The following AGBL4 variants were observed in gnomAD, a reference collection of about 807,000 sequenced individuals.
AGBL4 encodes the protein cytosolic carboxypeptidase 6.
In AGBL4, 58 loss-of-function variants were observed where a neutral mutation model predicts 66.4. That is an observed-to-expected ratio of 0.87 (90% confidence interval 0.71 to 1.09). AGBL4 has a LOEUF of 1.09. AGBL4 is among the 50% of genes least tolerant of loss of function. The pLI is 0.00. For synonymous variants in AGBL4, 234 were observed against 222.9 expected (o/e 1.05, Z -0.44); for missense variants, 579 against 631.0 (o/e 0.92, Z 0.88).
rs1651623028 is a variant in AGBL4, at chr1:48,750,887, C to G, written c.635-87646G>C. Reference sequence around the variant, plus strand: ...CTTATAGGACTAAGGTCCTAGGACTCTAAGAATTACCCCCCACACTCAGAG... The same window carrying G: ...CTTATAGGACTAAGGTCCTAGGACTGTAAGAATTACCCCCCACACTCAGAG... On this transcript the variant is annotated intron_variant, in intron 6 of 13. Transcript: ENST00000371839. 1.3e-5 allele frequency among the ~76,000 whole-genome samples: 2 copies of G among 152,196 alleles called. 1 individual carries two copies.
intron 2 of AGBL4, among the ~76,000 whole-genome samples, chr1:49,776,141 A>C (rs1215709737): frequency 1.3e-5 from 2 of 152,084 alleles, no homozygotes; most frequent in Non-Finnish European, 2.9e-5. Context: ...AATCTGGTGG[A>C]AGCTTAGAAA....
chr1:49,425,857 G>A (rs1645646129), intron 3 of AGBL4, among the ~76,000 whole-genome samples: 1 of 152,224 alleles, frequency 6.6e-6, no homozygotes, highest in Non-Finnish European at 1.5e-5. Flanking sequence ...TTGTCACATG[G>A]AACTGGGCTT....
intron 3 of AGBL4, among the ~76,000 whole-genome samples, chr1:49,462,340 A>T (rs973523852): frequency 1.3e-5 from 2 of 151,782 alleles, no homozygotes; most frequent in Non-Finnish European, 2.9e-5. Flanking sequence ...CCATCTTAAT[A>T]TAACTTAGGG....
intron 3 of AGBL4, among the ~76,000 whole-genome samples, chr1:49,548,790 T>C (rs1205200768): frequency 3.9e-5 from 6 of 152,196 alleles, no homozygotes; most frequent in Non-Finnish European, 8.8e-5. Context: ...GCTGGCTTCA[T>C]AGAATGAATT....
chr1:49,941,633 T>C (rs185972323), intron 1 of AGBL4, among the ~76,000 whole-genome samples: 198 of 152,148 alleles, frequency 1.3e-3, no homozygotes, highest in Middle Eastern at 3.4e-3. Context: ...AAAAATTATA[T>C]GATCATCTCA....
At chr1:49,984,761 T>C (rs1432926127) in intron 1 of AGBL4, among the ~76,000 whole-genome samples, 1 of 152,136 alleles carries the variant, frequency 6.6e-6, no homozygotes, top group African/African-American at 2.4e-5. Context: ...ATTACATAAT[T>C]GAAACAAAAG....
rs540945356 is a variant in AGBL4 at position 48,566,876 on chromosome 1, C to T, written c.1267+20128G>A. Among the ~76,000 whole-genome samples the T allele has an allele frequency of 6.6e-5, 10 of 152,320 alleles. No individual in the cohort carries two copies. The South Asian group carries it at 1.5e-3, about 22-fold the overall frequency. On this transcript the variant is annotated intron_variant, in intron 11 of 13. Coordinates refer to ENST00000371839, the MANE Select transcript of AGBL4 (RefSeq NM_032785.4). ...AGGTGTGGTGGCTAATGCATGTAAT[C>T]TCAGTGCTTTGGGAGGCTGAGGTGG...
At chr1:49,624,792 C>A (rs535126833) in intron 3 of AGBL4, among the ~76,000 whole-genome samples, 1 of 152,160 alleles carries the variant, frequency 6.6e-6, no homozygotes, top group African/African-American at 2.4e-5. Context: ...TAGAAATACA[C>A]GCATCTAGAC....
chr1:49,004,824 G>T (rs2148995253), intron 5 of AGBL4, among the ~76,000 whole-genome samples: 1 of 152,288 alleles, frequency 6.6e-6, no homozygotes, highest in East Asian at 1.9e-4. Context: ...TGGACCAATT[G>T]TACAAGGCCC....
At chr1:49,244,059 T>C (rs1226824002) in intron 4 of AGBL4, among the ~76,000 whole-genome samples, 1 of 151,744 alleles carries the variant, frequency 6.6e-6, no homozygotes, top group African/African-American at 2.4e-5. Context: ...AGACACAACA[T>C]AGTTCATGAG....
intron 6 of AGBL4, among the ~76,000 whole-genome samples, chr1:48,677,758 A>G (rs919408756): frequency 6.6e-6 from 1 of 152,210 alleles, no homozygotes; most frequent in Non-Finnish European, 1.5e-5. Context: ...GCCAGAAGGA[A>G]GCAGAAAAGC....
chr1:49,136,690 A>T (rs970940165), intron 4 of AGBL4, among the ~76,000 whole-genome samples: 7 of 152,288 alleles, frequency 4.6e-5, no homozygotes, highest in African/African-American at 1.7e-4. Context: ...TTTGGCTGTT[A>T]TGACAAATAC....
intron 9 of AGBL4, among the ~76,000 whole-genome samples, chr1:48,592,321 C>G (rs1382259875): frequency 6.6e-6 from 1 of 152,188 alleles, no homozygotes; most frequent in Non-Finnish European, 1.5e-5. Flanking sequence ...TAGAAGGATT[C>G]TCCCTCCTTG....
At chr1:49,755,522 A>T (rs766329462) in intron 2 of AGBL4, among the ~76,000 whole-genome samples, 1 of 152,152 alleles carries the variant, frequency 6.6e-6, no homozygotes, top group African/African-American at 2.4e-5. Flanking sequence ...ACTCTAATGG[A>T]TTCATATTAA....
chr1:49,201,074 A>T (rs543674723), intron 4 of AGBL4, among the ~76,000 whole-genome samples: 1 of 152,276 alleles, frequency 6.6e-6, no homozygotes, highest in African/African-American at 2.4e-5. Flanking sequence ...AAAGAGGGAG[A>T]CTAAATCTAT....
intron 1 of AGBL4, among the ~76,000 whole-genome samples, chr1:49,994,062 G>A: frequency 6.6e-6 from 1 of 152,122 alleles, no homozygotes; most frequent in Middle Eastern, 3.4e-3. Context: ...GGCAATTCTA[G>A]TCCATTCTGG....
intron 7 of AGBL4, among the ~76,000 whole-genome samples, chr1:48,655,311 T>A (rs1646002357): frequency 6.6e-6 from 1 of 152,210 alleles, no homozygotes; most frequent in South Asian, 2.1e-4. Flanking sequence ...CTTTCTTTTC[T>A]TTTCTTTTCT....
intron 3 of AGBL4, among the ~76,000 whole-genome samples, chr1:49,319,511 T>C (rs181450344): frequency 1.1e-3 from 160 of 152,298 alleles, no homozygotes; most frequent in Admixed American, 9.3e-3. Flanking sequence ...ATCCTTACTA[T>C]GCTACCTCCT....
At chr1:49,238,028 C>T (rs1359322106) in intron 4 of AGBL4, among the ~76,000 whole-genome samples, 1 of 152,112 alleles carries the variant, frequency 6.6e-6, no homozygotes, top group Non-Finnish European at 1.5e-5. Flanking sequence ...CCACTTTACT[C>T]AGGCTTCAAT....
Sources: gnomAD v4.1 joint callset for allele counts (sites outside exome capture counted in the v4.1 genomes callset) on GRCh38, gnomAD v4.1.1 for gene constraint, MANE v1.5 for transcripts, NCBI Gene and HGNC (gene_info 2026-07-23, HGNC 2026-07-21) for gene names.